The following SRP54 variants were observed in gnomAD, a reference collection of about 807,000 sequenced individuals.
The protein encoded by SRP54 is signal recognition particle 54, also known as signal recognition particle subunit SRP54.
SRP54 carries 10 observed loss-of-function variants against 64.8 expected under a neutral mutation model. That is an observed-to-expected ratio of 0.15 (90% CI 0.10 to 0.26). The LOEUF is 0.26. SRP54 is among the 10% of genes least tolerant of loss of function. The pLI, the probability that SRP54 is intolerant of heterozygous loss-of-function variation, is 1.00. For synonymous variants in SRP54, 193 were observed against 185.6 expected, an observed-to-expected ratio of 1.04 and a Z score of -0.32; for missense variants, 325 against 613.7, an observed-to-expected ratio of 0.53 and a Z score of 4.97.
intron 4 of SRP54, chr14:35,004,675 T>C (rs1594993185): frequency 6.6e-6 from 1 of 152,192 alleles, no homozygotes; most frequent in South Asian, 2.1e-4. Context: ...TACTAAAACA[T>C]ATATGTTCCA....
intron 7 of SRP54, 33 bp downstream of exon 7, chr14:35,008,864 T>G: frequency 8.6e-7 from 1 of 1,167,996 alleles, no homozygotes; most frequent in Non-Finnish European, 1.2e-6. Flanking sequence ...AACACTTATA[T>G]CCCTCTTCTT....
At chr14:34,996,635 A>G in intron 1 of SRP54, 42 bp from the exon 2 acceptor site, 1 of 969,880 alleles carries the variant, frequency 1.0e-6, no homozygotes, top group Non-Finnish European at 1.7e-6. Context: ...AGTCATGGGA[A>G]GTGAAATTGA....
chr14:35,011,898 A>G (rs1262504621), intron 8 of SRP54, among the ~76,000 whole-genome samples: 1 of 152,172 alleles, frequency 6.6e-6, no homozygotes, highest in Non-Finnish European at 1.5e-5. Context: ...CAGTCATCCT[A>G]TTAGTATGCA....
chr14:35,002,869 C>A (rs540075763), intron 4 of SRP54, among the ~76,000 whole-genome samples: 2 of 151,496 alleles, frequency 1.3e-5, no homozygotes, highest in South Asian at 4.2e-4. Context: ...TCAGTGCCCC[C>A]CAAGTAGCTG....
chr14:35,015,791 T>C (rs2044428958), intron 11 of SRP54, among the ~76,000 whole-genome samples: 1 of 152,208 alleles, frequency 6.6e-6, no homozygotes, highest in African/African-American at 2.4e-5. Flanking sequence ...TACCAGATAA[T>C]TGTGCCTTTA....
At position 35,011,737 on chromosome 14, in the gene SRP54, A is replaced by G. The variant is rs1445058525; in HGVS notation, c.636+78A>G. 7 of 1,256,820 alleles carry G rather than the reference A, an allele frequency of 5.6e-6. No individual in the cohort carries two copies. In the African/African-American group the frequency reaches 9.1e-5, roughly 16 times the overall value. The allele number at this position is 1,256,820 out of a possible 1,614,324, so 77.9% of individuals were successfully genotyped here. ...TAAAACCAGGTTGAGTATATGACCA[A>G]TATAAATTATTCTTTGCCTGTGAGG... On this transcript the variant is annotated intron_variant, in intron 8 of 15. Coordinates refer to ENST00000216774, the MANE Select transcript of SRP54 (RefSeq NM_003136.4).
chr14:34,988,526 C>T (rs1361751555), intron 1 of SRP54, among the ~76,000 whole-genome samples: 1 of 71,516 alleles, frequency 1.4e-5, no homozygotes, highest in Non-Finnish European at 3.4e-5. Flanking sequence ...CACACCACTG[C>T]ACTCCAGCCT....
intron 1 of SRP54, among the ~76,000 whole-genome samples, chr14:34,986,691 A>C (rs1044923659): frequency 1.6e-4 from 25 of 152,120 alleles, no homozygotes; most frequent in African/African-American, 6.0e-4. Flanking sequence ...CAGCCTGGCC[A>C]AGATAGTGAA....
At chr14:35,014,444 A>AT (rs1037327684) in intron 10 of SRP54, among the ~76,000 whole-genome samples, 2 of 150,692 alleles carry the variant, frequency 1.3e-5, no homozygotes, top group Admixed American at 6.6e-5. Flanking sequence ...GGTCCAGCTA[A>AT]TTTTTTTTTA....
chr14:35,011,055 T>C (rs2044349467), intron 7 of SRP54, among the ~76,000 whole-genome samples: 1 of 152,040 alleles, frequency 6.6e-6, no homozygotes. Context: ...GTCTCCCAAG[T>C]GGCTGGGACT....
chr14:34,983,478 C>G (rs2043841124), intron 1 of SRP54, among the ~76,000 whole-genome samples: 1 of 152,226 alleles, frequency 6.6e-6, no homozygotes, highest in African/African-American at 2.4e-5. Flanking sequence ...CTTCGTTTTG[C>G]TTTCCTGAGC....
At chr14:35,008,879 G>A in intron 7 of SRP54, 48 bp downstream of exon 7, 1 of 912,784 alleles carries the variant, frequency 1.1e-6, no homozygotes, top group Non-Finnish European at 1.6e-6. Context: ...CTTCTTGTCT[G>A]TCAGCTTTTT....
At chr14:35,001,175 CT>C (rs10637082) in intron 4 of SRP54, among the ~76,000 whole-genome samples, 155 bp downstream of exon 4, 119 of 129,446 alleles carry the variant, frequency 9.2e-4, no homozygotes, top group South Asian at 2.0e-3. Context: ...TCTTAGGGAC[CT>C]TTTTTTTTTT....
chr14:35,019,145 T>C (rs1479529597), intron 13 of SRP54, 71 bp downstream of exon 13: 2 of 1,077,522 alleles, frequency 1.9e-6, no homozygotes, highest in South Asian at 2.7e-5. Flanking sequence ...TTCACTGTAT[T>C]CTTGTGGACA....
At chr14:35,024,591 T>C (rs1471506594) in intron 14 of SRP54, among the ~76,000 whole-genome samples, 1 of 152,048 alleles carries the variant, frequency 6.6e-6, no homozygotes, top group Non-Finnish European at 1.5e-5. Flanking sequence ...AGTTGCCCTT[T>C]TTAATGTAGC....
Position 34,983,089 on chromosome 14 carries a change from G to A in SRP54, c.-160G>A, listed in dbSNP as rs1566638058. 1 of 152,268 alleles carries A rather than the reference G, an allele frequency of 6.6e-6. No homozygotes were observed. Among genetic ancestry groups the A allele is most frequent in the Non-Finnish European group, 1.5e-5 (1 of 68,078 alleles). The allele number at this position is 152,268 out of a possible 1,614,324, so 9.4% of individuals were successfully genotyped here. A position where few individuals can be genotyped will look rare whatever the true frequency, so the allele number is the denominator to read the frequency against. ...TGGGACCCTACTTTATCTAGTTCGGGAAGTTGGGTTGTGGGGTCATACCTG... is the reference window on the plus strand; with the variant it reads ...TGGGACCCTACTTTATCTAGTTCGGAAAGTTGGGTTGTGGGGTCATACCTG... On this transcript the variant is annotated 5_prime_UTR_variant, in exon 1 of 16. Transcript: ENST00000216774.
At position 35,011,527 on chromosome 14, in the gene SRP54, T is replaced by C; in HGVS notation, c.504T>C (p.Pro168=). 6.5e-7 allele frequency: 1 copy of C among 1,549,896 alleles called. No individual in the cohort carries two copies. Among genetic ancestry groups the C allele is most frequent in the Non-Finnish European group, 8.8e-7 (1 of 1,141,822 alleles). Residue 168 remains proline (P), a synonymous_variant, in exon 8 of 16, where the codon CCT becomes CCC. Coordinates refer to ENST00000216774, the MANE Select transcript of SRP54 (RefSeq NM_003136.4). ...PFYGSYTEMD[P]VIIASEGVEK... is the part of the protein sequence containing the mutation. The stretch of plus-strand genomic sequence containing the variant: ...TATATAGCTATACAGAAATGGATCC[T>C]GTCATCATTGCTTCTGAAGGAGTAG...
intron 1 of SRP54, 31 bp downstream of exon 1, chr14:34,983,246 A>G (rs906891411): frequency 2.0e-5 from 3 of 152,248 alleles, no homozygotes; most frequent in Admixed American, 6.5e-5. Context: ...GCCCCAGACT[A>G]CGGAGGGGGA....
At chr14:35,022,745 G>C (rs1285237648) in intron 13 of SRP54, among the ~76,000 whole-genome samples, 165 bp from the exon 14 acceptor site, 3 of 152,126 alleles carry the variant, frequency 2.0e-5, no homozygotes, top group Non-Finnish European at 4.4e-5. Context: ...TATTATGTCT[G>C]TTTTTCTGTA....
Sources: allele counts gnomAD v4.1 joint callset (sites outside exome capture counted in the v4.1 genomes callset), GRCh38; gene constraint gnomAD v4.1.1; transcripts MANE v1.5; gene names NCBI Gene and HGNC (gene_info 2026-07-23, HGNC 2026-07-21).